TP53I13: variants seen among roughly 807,000 people sequenced by gnomAD.
TP53I13 encodes the protein tumor protein p53-inducible protein 13.
A neutral mutation model predicts 39.1 loss-of-function variants in TP53I13; 27 were observed. The ratio of observed to expected loss-of-function variants is 0.69; its 90% CI spans 0.51 to 0.95. The LOEUF is 0.95. Ranked by LOEUF, TP53I13 falls within the 40% of genes least tolerant of loss-of-function variation. TP53I13 has a pLI of 0.00. For missense variants in TP53I13, 544 were observed against 520.4 expected, an observed-to-expected ratio of 1.05 and a Z score of -0.44; for synonymous variants, 230 against 224.6, an observed-to-expected ratio of 1.02 and a Z score of -0.22.
downstream of TP53I13, chr17:29,574,291 A>G: frequency 4.4e-6 from 1 of 224,954 alleles, no homozygotes; most frequent in Non-Finnish European, 9.0e-6. Flanking sequence ...AAAGGAGGGG[A>G]TGCCCCCGCT....
chr17:29,581,812 C>T, the TP53I13 span: 11 of 1,612,512 alleles, frequency 6.8e-6, no homozygotes, highest in African/African-American at 4.0e-5. This position sits in a 1 kb window ranked among gnomAD's most constrained non-coding sequence, Gnocchi z 4.8. Flanking sequence ...CCAGCCTTTC[C>T]GCCAGCTCAT....
rs1480039175 is a variant in TP53I13 at position 29,572,856 on chromosome 17, C to T, written c.1114C>T (p.Arg372Cys). The T allele has an allele frequency of 3.3e-6, 5 of 1,523,984 alleles. No homozygotes were observed. Among genetic ancestry groups the T allele is most frequent in the Non-Finnish European group, 2.6e-6 (3 of 1,142,576 alleles). 94.4% of individuals were successfully genotyped at this position (1,523,984 alleles called of 1,614,324 possible). The change falls in exon 7 of 7, where the codon CGC becomes TGC. Residue 372 changes from arginine (R) to cysteine (C), a missense_variant. By Grantham distance (180) the Arg-to-Cys change is radical. Coordinates refer to ENST00000301057, the MANE Select transcript of TP53I13 (RefSeq NM_138349.4). ...GCTGCAGCCCTCGCGCCGGGTCAAG[C>T]GCTCGCGCCGGAGACCCCTCCTCCC... Reference protein sequence around the residue: ...RLLQPSRRVKRSRRRPLLPPT... With the variant: ...RLLQPSRRVKCSRRRPLLPPT...
the TP53I13 span, chr17:29,578,477 T>G: frequency 3.8e-6 from 4 of 1,040,514 alleles, no homozygotes; most frequent in East Asian, 9.5e-5. Context: ...GCCTTCCTTG[T>G]GCTGCCCAGC....
chr17:29,574,128 G>T (rs1416981056), downstream of TP53I13: 1 of 141,064 alleles, frequency 7.1e-6, no homozygotes, highest in African/African-American at 2.6e-5. Context: ...GAAGAAGAAA[G>T]AAAAAAAAAA....
At chr17:29,575,893 C>T (rs2033177204), downstream of TP53I13, 1 of 1,607,082 alleles carries the variant, frequency 6.2e-7, no homozygotes, top group Non-Finnish European at 8.5e-7. The surrounding 1 kb of genome is among the most constrained non-coding windows in gnomAD (Gnocchi z 5.5). Flanking sequence ...ACACCCCTTT[C>T]CGGATCTGAA....
In TP53I13 at chr17:29,569,724, C is replaced by T. The variant is rs1426803505; in HGVS notation, c.183+365C>T. The T allele has an allele frequency of 3.2e-5, 8 of 249,866 alleles. No individual in the cohort carries two copies. The East Asian group carries it at 7.1e-4, about 22-fold the overall frequency. 15.5% of individuals were successfully genotyped at this position (249,866 alleles called of 1,614,324 possible). A position where few individuals can be genotyped will look rare whatever the true frequency, so the allele number is the denominator to read the frequency against. ...TCCTGACTTTGTGGGCCCCAGCTTTCTGTAGGAGAGGGTATTAATTCTGTC... is the reference window on the plus strand; with the variant it reads ...TCCTGACTTTGTGGGCCCCAGCTTTTTGTAGGAGAGGGTATTAATTCTGTC... On this transcript the variant is annotated intron_variant, in intron 3 of 6. Transcript: ENST00000301057.
rs774099331 is a variant in TP53I13, at chr17:29,569,370, G to A, written c.183+11G>A. ...GTGAGCCCAGGGCAGGTGAGTACAA[G>A]CAGGGGCCCACCACCCTTGGTGTCC... On this transcript the variant is annotated intron_variant, in intron 3 of 6. Transcript: ENST00000301057. 4 of 1,613,244 alleles carry A rather than the reference G, an allele frequency of 2.5e-6. No individual in the cohort carries two copies. The highest frequency in any genetic ancestry group is 3.4e-6 in the Non-Finnish European group (4 of 1,179,732).
intron 2 of TP53I13, 40 bp downstream of exon 2, chr17:29,569,126 A>G (rs2032826065): frequency 1.9e-6 from 3 of 1,555,762 alleles, no homozygotes; most frequent in Non-Finnish European, 2.6e-6. Flanking sequence ...GGGATGTGAA[A>G]GGCTAGCCCA....
chr17:29,580,595 C>T, the TP53I13 span, among the ~76,000 whole-genome samples: 1 of 152,144 alleles, frequency 6.6e-6, no homozygotes, highest in Non-Finnish European at 1.5e-5. Context: ...CCTCAGCGCA[C>T]GTGCCTAATT....
upstream of TP53I13, chr17:29,566,614 GGCGCTAC>G (rs1468440626): frequency 3.1e-6 from 5 of 1,608,650 alleles, no homozygotes. Flanking sequence ...CTCAGGCCCA[GGCGCTAC>G]GGGCAGGACG....
chr17:29,575,122 T>G, downstream of TP53I13: 1 of 1,599,904 alleles, frequency 6.3e-7, no homozygotes, highest in Non-Finnish European at 8.6e-7. This position sits in a 1 kb window ranked among gnomAD's most constrained non-coding sequence, Gnocchi z 5.5. Context: ...CAAATGGATC[T>G]TCTCTGAGCA....
chr17:29,579,315 T>C, the TP53I13 span: 1 of 410,256 alleles, frequency 2.4e-6, no homozygotes, highest in Non-Finnish European at 4.4e-6. Flanking sequence ...ATCTCCCTCC[T>C]TCTAGTTTTG....
In TP53I13 at chr17:29,573,151, T is replaced by C. The variant is rs1372870604; in HGVS notation, c.*227T>C. The C allele has an allele frequency of 1.9e-5, 8 of 411,976 alleles. No individual in the cohort carries two copies. Among genetic ancestry groups the C allele is most frequent in the Admixed American group, 4.6e-5 (1 of 21,550 alleles). The allele number at this position is 411,976 out of a possible 1,614,324, so 25.5% of individuals were successfully genotyped here. A position where few individuals can be genotyped will look rare whatever the true frequency, so the allele number is the denominator to read the frequency against. ...ACTCCGTTTCTAATTAAATTATTTT[T>C]AGTAGACTCTGGAGTTGAGCTTGTG... On this transcript the variant is annotated 3_prime_UTR_variant, in exon 7 of 7. Transcript: ENST00000301057.
chr17:29,579,150 CT>C, the TP53I13 span: 1 of 650,390 alleles, frequency 1.5e-6, no homozygotes, highest in Non-Finnish European at 2.8e-6. Flanking sequence ...TCCCCCACCC[CT>C]CCTCCTCTGG....
At chr17:29,575,961 G>A (rs2033180008), downstream of TP53I13, 1 of 1,535,376 alleles carries the variant, frequency 6.5e-7, no homozygotes, top group East Asian at 2.3e-5. The surrounding 1 kb of genome is among the most constrained non-coding windows in gnomAD (Gnocchi z 5.5). Context: ...CTCACCAGCA[G>A]TGCAGCAGGG....
At chr17:29,578,983 C>G in the TP53I13 span, 2 of 1,613,930 alleles carry the variant, frequency 1.2e-6, no homozygotes, top group South Asian at 1.1e-5. Context: ...GCACTTTTGC[C>G]GAGATCTAAG....
the TP53I13 span, chr17:29,581,762 TAGA>T: frequency 1.2e-6 from 2 of 1,610,750 alleles, no homozygotes; most frequent in Non-Finnish European, 1.7e-6. This position sits in a 1 kb window ranked among gnomAD's most constrained non-coding sequence, Gnocchi z 4.8. Flanking sequence ...TCCACAGAGG[TAGA>T]AGGCCAGCCG....
At chr17:29,576,475 C>T, downstream of TP53I13, 2 of 1,613,152 alleles carry the variant, frequency 1.2e-6, no homozygotes, top group Non-Finnish European at 1.7e-6. Flanking sequence ...TGCTGTCAAC[C>T]CCCTGGAGTC....
downstream of TP53I13, chr17:29,574,455 G>T (rs552908027): frequency 3.6e-6 from 2 of 554,220 alleles, no homozygotes; most frequent in Non-Finnish European, 6.5e-6. Flanking sequence ...TCACTAGGAG[G>T]GGGGAGATGC....
Sources: allele counts gnomAD v4.1 joint callset (sites outside exome capture counted in the v4.1 genomes callset), GRCh38; gene constraint gnomAD v4.1.1; non-coding constraint Gnocchi (gnomAD v3.1); transcripts MANE v1.5; gene names NCBI Gene and HGNC (gene_info 2026-07-23, HGNC 2026-07-21).